The following SNX16 variants were observed in gnomAD, a reference collection of about 807,000 sequenced individuals.
SNX16 encodes the protein sorting nexin 16, also known as sorting nexin-16.
In SNX16, 35 loss-of-function variants were observed where a neutral mutation model predicts 36.7. That is an observed-to-expected ratio of 0.95 (90% confidence interval 0.73 to 1.27). The LOEUF (loss-of-function observed/expected upper bound fraction) is 1.27, where lower values mean the gene tolerates loss of function less well. Among genes scored for constraint, SNX16 ranks in the 50% most tolerant of loss-of-function variants. The pLI, the probability that SNX16 is intolerant of heterozygous loss-of-function variation, is 0.00. For missense variants in SNX16, 367 were observed against 393.6 expected (o/e 0.93, Z 0.57); for synonymous variants, 134 against 132.0 (o/e 1.02, Z -0.10).
intron 1 of SNX16, 141 bp from the exon 2 acceptor site, chr8:81,840,223 TTA>T (rs1290104207): frequency 2.5e-6 from 1 of 407,208 alleles, no homozygotes; most frequent in Non-Finnish European, 4.3e-6. Flanking sequence ...CCAGTTGTCT[TTA>T]AGGACTCCTA....
At position 81,839,856 on chromosome 8, in the gene SNX16, A is replaced by G. The variant is rs746904242; in HGVS notation, c.131T>C (p.Leu44Ser). Reference sequence around the variant, plus strand: ...AAAATTACCCATATTTGAGTCTTCTAACTGGCCCTTAGAAGAATTTGAGCT... The same window carrying G: ...AAAATTACCCATATTTGAGTCTTCTGACTGGCCCTTAGAAGAATTTGAGCT... ...STSSNSSKGQ[L>S]EDSNMGNFKQ... The change falls in exon 2 of 8, where the codon TTA becomes TCA. Residue 44 changes from leucine (L) to serine (S), a missense_variant. Physicochemically the swap from Leu to Ser is moderately radical, Grantham distance 145. Transcript: ENST00000345957. 6.2e-7 allele frequency: 1 copy of G among 1,614,036 alleles called. No individual in the cohort carries two copies. The highest frequency in any genetic ancestry group is 8.5e-7 in the Non-Finnish European group (1 of 1,179,936).
In SNX16 at chr8:81,801,419, G is replaced by C; in HGVS notation, c.*78C>G. 1.3e-6 allele frequency: 1 copy of C among 791,274 alleles called. No homozygotes were observed. The highest frequency in any genetic ancestry group is 2.0e-6 in the Non-Finnish European group (1 of 505,266). The allele number at this position is 791,274 out of a possible 1,614,324, so 49.0% of individuals were successfully genotyped here. A position where few individuals can be genotyped will look rare whatever the true frequency, so the allele number is the denominator to read the frequency against. Reference sequence around the variant, plus strand: ...CTTTTCTATATGTTTTACAGTTCTTGGTTCTTCTTTTAAAATAGTATTTGC... The same window carrying C: ...CTTTTCTATATGTTTTACAGTTCTTCGTTCTTCTTTTAAAATAGTATTTGC... On this transcript the variant is annotated 3_prime_UTR_variant, in exon 8 of 8. Transcript: ENST00000345957.
At chr8:81,818,459 AT>A (rs1459718194) in intron 4 of SNX16, among the ~76,000 whole-genome samples, 1 of 152,090 alleles carries the variant, frequency 6.6e-6, no homozygotes, top group Non-Finnish European at 1.5e-5. Context: ...GAATTATTGA[AT>A]TTTTTTTAAC....
chr8:81,841,633 A>G (rs1014538562), intron 1 of SNX16: 4 of 152,388 alleles, frequency 2.6e-5, no homozygotes, highest in African/African-American at 9.7e-5. Context: ...CGTTAAAAAA[A>G]CAAAACAAGC....
At chr8:81,802,138 G>A (rs1031876836) in intron 7 of SNX16, among the ~76,000 whole-genome samples, 75 of 151,754 alleles carry the variant, frequency 4.9e-4, no homozygotes, top group African/African-American at 1.7e-3. Flanking sequence ...TGCAGACACA[G>A]CTCTAAAGTA....
At chr8:81,835,013 C>T (rs541495148) in intron 2 of SNX16, among the ~76,000 whole-genome samples, 212 of 152,368 alleles carry the variant, frequency 1.4e-3, no homozygotes, top group Non-Finnish European at 2.8e-3. Flanking sequence ...CCTGCCCCTA[C>T]AGCAAACTTC....
chr8:81,836,650 C>T (rs1811508295), intron 2 of SNX16, among the ~76,000 whole-genome samples: 1 of 152,148 alleles, frequency 6.6e-6, no homozygotes, highest in Non-Finnish European at 1.5e-5. Flanking sequence ...AACCTGATCA[C>T]TTCTCAGGAC....
In SNX16 at chr8:81,823,953, A is replaced by G. The variant is rs192598172; in HGVS notation, c.463-13T>C. ...ACATCTCTTTTAACTGAAAAAGAAG[A>G]AAAGAGCAAATACAATGTTTAACTC... On this transcript the variant is annotated splice_polypyrimidine_tract_variant and intron_variant, in intron 3 of 7. Coordinates refer to ENST00000345957, the MANE Select transcript of SNX16 (RefSeq NM_152836.3). 51 of 1,602,118 alleles carry G rather than the reference A, an allele frequency of 3.2e-5. No individual in the cohort carries two copies. In the African/African-American group the frequency reaches 6.6e-4, roughly 21 times the overall value.
chr8:81,808,986 G>A (rs1056054252), intron 5 of SNX16, among the ~76,000 whole-genome samples: 3 of 151,208 alleles, frequency 2.0e-5, no homozygotes, highest in African/African-American at 7.3e-5. Context: ...GGGTTTTAAT[G>A]TAGTTTTTTT....
In SNX16 at chr8:81,802,376, A is replaced by G; in HGVS notation, c.938+4T>C. Reference sequence around the variant, plus strand: ...TAAGCTATCATAAATGAAATATTATATACCTAGATTCTTCATCCAGGACAT... The same window carrying G: ...TAAGCTATCATAAATGAAATATTATGTACCTAGATTCTTCATCCAGGACAT... On this transcript the variant is annotated splice_donor_region_variant and intron_variant, in intron 7 of 7. Transcript: ENST00000345957. 1 of 1,595,052 alleles carries G rather than the reference A, an allele frequency of 6.3e-7. No individual in the cohort carries two copies. The highest frequency in any genetic ancestry group is 8.5e-7 in the Non-Finnish European group (1 of 1,172,202).
chr8:81,835,601 C>T (rs1237047846), intron 2 of SNX16, among the ~76,000 whole-genome samples: 1 of 152,196 alleles, frequency 6.6e-6, no homozygotes, highest in Non-Finnish European at 1.5e-5. Context: ...TCATCCCTCT[C>T]AAGTTCAAAG....
intron 3 of SNX16, among the ~76,000 whole-genome samples, chr8:81,826,873 A>G (rs1811043671): frequency 6.6e-6 from 1 of 152,214 alleles, no homozygotes; most frequent in South Asian, 2.1e-4. Flanking sequence ...TATAGTTTCT[A>G]CATAAGAGTA....
intron 1 of SNX16, among the ~76,000 whole-genome samples, chr8:81,841,076 C>T (rs1324312133): frequency 6.6e-6 from 1 of 152,232 alleles, no homozygotes; most frequent in Non-Finnish European, 1.5e-5. Context: ...CGCTGTGGCT[C>T]ACGCCTGTAA....
chr8:81,832,842 T>C (rs1811328619), intron 2 of SNX16, among the ~76,000 whole-genome samples: 2 of 149,498 alleles, frequency 1.3e-5, no homozygotes. Context: ...TATAGGCACA[T>C]ACGAGATACT....
intron 3 of SNX16, among the ~76,000 whole-genome samples, chr8:81,828,330 G>T (rs1397516047): frequency 3.9e-5 from 6 of 152,104 alleles, no homozygotes; most frequent in Non-Finnish European, 1.5e-5. Context: ...TTAAATATCT[G>T]TCAGCTTGAC....
At chr8:81,818,970 C>T (rs1346877917) in intron 4 of SNX16, among the ~76,000 whole-genome samples, 1 of 151,984 alleles carries the variant, frequency 6.6e-6, no homozygotes, top group Non-Finnish European at 1.5e-5. Flanking sequence ...AAAGAATATT[C>T]TCATTTATTT....
chr8:81,841,665 T>A (rs1811784573), intron 1 of SNX16: 1 of 152,270 alleles, frequency 6.6e-6, no homozygotes, highest in Non-Finnish European at 1.5e-5. Context: ...CAAAAAAACG[T>A]GCTGTGCTCA....
intron 5 of SNX16, among the ~76,000 whole-genome samples, chr8:81,810,810 A>G (rs1293039234): frequency 1.3e-5 from 2 of 152,128 alleles, no homozygotes; most frequent in South Asian, 2.1e-4. Flanking sequence ...AATATTTTCA[A>G]TGCACACGTC....
chr8:81,816,975 A>G (rs10958046), intron 4 of SNX16, among the ~76,000 whole-genome samples: 119,391 of 152,124 alleles, frequency 0.78, 47,827 homozygotes, highest in African/African-American at 0.93. Flanking sequence ...ATAGCACAGA[A>G]TAGAACAAGG....
Sources: gnomAD v4.1 joint callset for allele counts (sites outside exome capture counted in the v4.1 genomes callset) on GRCh38, gnomAD v4.1.1 for gene constraint, MANE v1.5 for transcripts, NCBI Gene and HGNC (gene_info 2026-07-23, HGNC 2026-07-21) for gene names.